Variants in SLC25A38 observed in about 807,000 individuals in gnomAD.
SLC25A38 encodes the protein mitochondrial glycine transporter.
Under a neutral mutation model 33.4 loss-of-function variants are expected in SLC25A38, and 27 were observed. The ratio of observed to expected loss-of-function variants is 0.81; its 90% CI spans 0.60 to 1.11. The LOEUF (loss-of-function observed/expected upper bound fraction) is 1.11. Ranked by LOEUF, SLC25A38 falls within the 50% of genes most tolerant of loss-of-function variation. The probability of loss-of-function intolerance (pLI) is 0.00; values close to 1 mark genes in which losing one functional copy is unlikely to be tolerated. For synonymous variants in SLC25A38, 123 were observed against 145.9 expected (o/e 0.84, Z 1.13); for missense variants, 344 against 388.8 (o/e 0.88, Z 0.97).
chr3:39,385,496 C>T (rs1264682304), intron 1 of SLC25A38, among the ~76,000 whole-genome samples: 1 of 152,162 alleles, frequency 6.6e-6, no homozygotes, highest in Non-Finnish European at 1.5e-5. Context: ...AACATAACTG[C>T]CCAGAAACTA....
Position 39,396,609 on chromosome 3 carries a change from A to G in SLC25A38, c.*89A>G, listed in dbSNP as rs1171629910. 15 of 1,604,706 alleles carry G rather than the reference A, an allele frequency of 9.3e-6. No homozygotes were observed. In the East Asian group the frequency reaches 3.1e-4, roughly 33 times the overall value. On this transcript the variant is annotated 3_prime_UTR_variant, in exon 7 of 7. Transcript: ENST00000650617. Reference sequence around the variant, plus strand: ...CTTCTTACTATTCTGCAGTAAGATGAAGTCCTACCTGGAAAACCAGGCAGA... The same window carrying G: ...CTTCTTACTATTCTGCAGTAAGATGGAGTCCTACCTGGAAAACCAGGCAGA...
At chr3:39,391,062 T>C (rs962159356) in intron 3 of SLC25A38, among the ~76,000 whole-genome samples, 4 of 152,238 alleles carry the variant, frequency 2.6e-5, no homozygotes, top group Non-Finnish European at 5.9e-5. Flanking sequence ...ACAGAAGTGA[T>C]GTTGATTTCC....
chr3:39,386,228 A>T (rs925931116), intron 1 of SLC25A38, among the ~76,000 whole-genome samples: 1 of 152,094 alleles, frequency 6.6e-6, no homozygotes, highest in Non-Finnish European at 1.5e-5. Context: ...TTCACAAAAC[A>T]TTATCTTTCA....
At chr3:39,384,727 C>G (rs2041690503) in intron 1 of SLC25A38, 1 of 398,084 alleles carries the variant, frequency 2.5e-6, no homozygotes, top group Non-Finnish European at 4.4e-6. Flanking sequence ...TGTTTATGCC[C>G]TCTTCTTTCT....
chr3:39,397,004 T>A lies in SLC25A38; in HGVS notation c.*484T>A. ...CAGACTGACTGAGGTGATGGTAGGA[T>A]GAGGAGGAACAGATGCCCTTCTTTA... On this transcript the variant is annotated 3_prime_UTR_variant, in exon 7 of 7. Transcript: ENST00000650617. 4.4e-6 allele frequency: 1 copy of A among 224,932 alleles called. No individual in the cohort carries two copies. Among genetic ancestry groups the A allele is most frequent in the South Asian group, 7.0e-5 (1 of 14,342 alleles). 13.9% of individuals were successfully genotyped at this position (224,932 alleles called of 1,614,324 possible). A position where few individuals can be genotyped will look rare whatever the true frequency, so the allele number is the denominator to read the frequency against.
intron 5 of SLC25A38, among the ~76,000 whole-genome samples, chr3:39,392,780 C>CT (rs2041786875): frequency 6.6e-6 from 1 of 152,186 alleles, no homozygotes; most frequent in South Asian, 2.1e-4. Flanking sequence ...GCCATCATGA[C>CT]TATGGGGACC....
At chr3:39,388,509 A>G (rs1032477839) in intron 1 of SLC25A38, 7 of 152,190 alleles carry the variant, frequency 4.6e-5, no homozygotes, top group African/African-American at 1.7e-4. Context: ...AACTTTATAT[A>G]TATTCATCTT....
At chr3:39,391,379 G>A in intron 3 of SLC25A38, 62 bp from the exon 4 acceptor site, 1 of 1,609,618 alleles carries the variant, frequency 6.2e-7, no homozygotes, top group Non-Finnish European at 8.5e-7. Context: ...GGAAAACCCA[G>A]CTAAGATAAT....
rs775205150 is a variant in SLC25A38 at position 39,389,595 on chromosome 3, C to T, written c.170C>T (p.Thr57Ile). ...PLDLLKTRLQTLQPSDHGSRR... is the reference protein window; with the variant it reads ...PLDLLKTRLQILQPSDHGSRR... ...GATCTCCTTAAAACACGCCTGCAAA[C>T]CCTCCAGCCCTCAGATCATGGGTAG... is the stretch of plus-strand genomic sequence containing the variant. The change falls in exon 2 of 7, where the codon ACC becomes ATC. Residue 57 changes from threonine to isoleucine, a missense_variant. Physicochemically the swap from Thr to Ile is moderately conservative, Grantham distance 89. Coordinates refer to ENST00000650617, the MANE Select transcript of SLC25A38 (RefSeq NM_017875.4). The surrounding 1 kb of genome is among the most constrained non-coding windows in gnomAD (Gnocchi z 4.5). 18 of 1,614,070 alleles carry T rather than the reference C, an allele frequency of 1.1e-5. No individual in the cohort carries two copies. The South Asian group carries it at 1.5e-4, about 14-fold the overall frequency.
At chr3:39,384,280 G>T (rs912727060) in intron 1 of SLC25A38, among the ~76,000 whole-genome samples, 45 of 152,340 alleles carry the variant, frequency 3.0e-4, no homozygotes, top group Non-Finnish European at 2.4e-4. Context: ...CCAGCCTGTT[G>T]GGACGGCGCG....
At position 39,383,419 on chromosome 3, in the gene SLC25A38, C is replaced by G; in HGVS notation, c.-306C>G. 2 of 425,894 alleles carry G rather than the reference C, an allele frequency of 4.7e-6. No individual in the cohort carries two copies. Among genetic ancestry groups the G allele is most frequent in the Non-Finnish European group, 8.7e-6 (2 of 229,078 alleles). The allele number at this position is 425,894 out of a possible 1,614,324, so 26.4% of individuals were successfully genotyped here. A position where few individuals can be genotyped will look rare whatever the true frequency, so the allele number is the denominator to read the frequency against. On this transcript the variant is annotated 5_prime_UTR_variant, in exon 1 of 7. Transcript: ENST00000650617. Reference sequence around the variant, plus strand: ...CCCCGGGATACACAGAACCTCATCTCCTACGGTGCTGAAGCCTGCAGCAGG... The same window carrying G: ...CCCCGGGATACACAGAACCTCATCTGCTACGGTGCTGAAGCCTGCAGCAGG...
At position 39,396,661 on chromosome 3, in the gene SLC25A38, T is replaced by A. The variant is rs148383729; in HGVS notation, c.*141T>A. 1.5e-6 allele frequency: 2 copies of A among 1,358,534 alleles called. No individual in the cohort carries two copies. Among genetic ancestry groups the A allele is most frequent in the African/African-American group, 2.9e-5 (2 of 69,914 alleles). 84.2% of individuals were successfully genotyped at this position (1,358,534 alleles called of 1,614,324 possible). Reference sequence around the variant, plus strand: ...ATTGTGTTGCCTTTGCCTTCAGTAATCCCCTTAAGGAGAAAATATATGGAC... The same window carrying A: ...ATTGTGTTGCCTTTGCCTTCAGTAAACCCCTTAAGGAGAAAATATATGGAC... On this transcript the variant is annotated 3_prime_UTR_variant, in exon 7 of 7. Transcript: ENST00000650617.
chr3:39,385,129 A>C (rs2041695933), intron 1 of SLC25A38, among the ~76,000 whole-genome samples: 1 of 151,938 alleles, frequency 6.6e-6, no homozygotes, highest in South Asian at 2.1e-4. Flanking sequence ...AGTTAAGTTC[A>C]CTCGCAAAGG....
chr3:39,394,336 G>A (rs758489002), intron 5 of SLC25A38, 74 bp from the exon 6 acceptor site: 11 of 1,588,586 alleles, frequency 6.9e-6, no homozygotes, highest in Non-Finnish European at 9.5e-6. Context: ...GGAAGAATTG[G>A]TGGGCAACTT....
intron 6 of SLC25A38, among the ~76,000 whole-genome samples, 162 bp downstream of exon 6, chr3:39,394,738 A>T (rs913834984): frequency 1.3e-5 from 2 of 150,630 alleles, no homozygotes; most frequent in Admixed American, 6.6e-5. Flanking sequence ...GTCTAGTGAG[A>T]TTTTTTTTTT....
At position 39,397,184 on chromosome 3, in the gene SLC25A38, CTTTA is replaced by C. The variant is rs1400605969; in HGVS notation, c.*671_*674del. The stretch of plus-strand genomic sequence containing the variant: ...TTTTCCCTGCAATTAAAGTGCTGTA[CTTTA>C]TTTATTGAACTTTATCATTGAAAGC... On this transcript the variant is annotated 3_prime_UTR_variant, in exon 7 of 7. Transcript: ENST00000650617. 6.5e-6 allele frequency: 1 copy of C among 153,686 alleles called. No individual in the cohort carries two copies. The highest frequency in any genetic ancestry group is 1.4e-5 in the Non-Finnish European group (1 of 69,084). The allele number at this position is 153,686 out of a possible 1,614,324, so 9.5% of individuals were successfully genotyped here. A position where few individuals can be genotyped will look rare whatever the true frequency, so the allele number is the denominator to read the frequency against.
intron 5 of SLC25A38, among the ~76,000 whole-genome samples, chr3:39,392,373 C>T (rs2041781763): frequency 6.6e-6 from 1 of 152,114 alleles, no homozygotes; most frequent in African/African-American, 2.4e-5. Context: ...AGATGAGAAA[C>T]CTTGGGGTAC....
At position 39,396,675 on chromosome 3, in the gene SLC25A38, A is replaced by G; in HGVS notation, c.*155A>G. 3.4e-6 allele frequency: 4 copies of G among 1,162,590 alleles called. No individual in the cohort carries two copies. The highest frequency in any genetic ancestry group is 1.5e-5 in the African/African-American group (1 of 65,904). The allele number at this position is 1,162,590 out of a possible 1,614,324, so 72.0% of individuals were successfully genotyped here. A position where few individuals can be genotyped will look rare whatever the true frequency, so the allele number is the denominator to read the frequency against. On this transcript the variant is annotated 3_prime_UTR_variant, in exon 7 of 7. Coordinates refer to ENST00000650617, the MANE Select transcript of SLC25A38 (RefSeq NM_017875.4). The stretch of plus-strand genomic sequence containing the variant: ...GCCTTCAGTAATCCCCTTAAGGAGA[A>G]AATATATGGACCTGATTTCAGCCTT...
chr3:39,391,923 G>A lies in SLC25A38; in HGVS notation c.527G>A (p.Gly176Asp). The A allele has an allele frequency of 1.9e-6, 3 of 1,614,138 alleles. No homozygotes were observed. Among genetic ancestry groups the A allele is most frequent in the Admixed American group, 1.7e-5 (1 of 60,024 alleles). Residue 176 changes from glycine (G) to aspartate (D), a missense_variant, in exon 5 of 7, where the codon GGC becomes GAC. Transcript: ENST00000650617. Reference protein sequence around the residue: ...RSIYHSEGHRGLFSGLTATLL... With the variant: ...RSIYHSEGHRDLFSGLTATLL... ...ATCTATCACAGTGAGGGGCACCGGG[G>A]CCTCTTCAGTGGCCTGACAGCAACT... is the stretch of plus-strand genomic sequence containing the variant.
Sources: allele counts gnomAD v4.1 joint callset (sites outside exome capture counted in the v4.1 genomes callset), GRCh38; gene constraint gnomAD v4.1.1; non-coding constraint Gnocchi (gnomAD v3.1); transcripts MANE v1.5; gene names NCBI Gene and HGNC (gene_info 2026-07-23, HGNC 2026-07-21).